Variants in SDK2 observed in about 807,000 individuals in gnomAD.
The protein encoded by SDK2 is protein sidekick-2.
In SDK2, 105 loss-of-function variants were observed where a neutral mutation model predicts 253.9. The observed-to-expected ratio is 0.41, with a 90% CI of 0.35 to 0.49. The LOEUF is 0.49. SDK2 is among the 20% of genes least tolerant of loss of function. The pLI, the probability that SDK2 is intolerant of heterozygous loss-of-function variation, is 0.06. For synonymous variants in SDK2, 1,249 were observed against 1,234.9 expected (o/e 1.01, Z -0.24); for missense variants, 2,608 against 3,003.0 (o/e 0.87, Z 3.07).
chr17:73,638,310 C>T (rs115600810), intron 1 of SDK2, among the ~76,000 whole-genome samples: 1,600 of 152,264 alleles, frequency 0.011, 30 homozygotes, highest in African/African-American at 0.037. Flanking sequence ...GTGAATGAAA[C>T]AAAGCCCCTG....
At position 73,379,526 on chromosome 17, in the gene SDK2, C is replaced by T. The variant is rs762971606; in HGVS notation, c.4786G>A (p.Glu1596Lys). The T allele has an allele frequency of 5.6e-6, 9 of 1,612,286 alleles. No homozygotes were observed. The highest frequency in any genetic ancestry group is 4.4e-5 in the South Asian group (4 of 90,828). ...LDNLNKHRRY[E>K]IRMSVYNAVG... Reference sequence around the variant, plus strand: ...GCGTTGTACACGCTCATCCGTATCTCGTACCGCCTGTGCTTGTTCAGGTCT... The same window carrying T: ...GCGTTGTACACGCTCATCCGTATCTTGTACCGCCTGTGCTTGTTCAGGTCT... The change falls in exon 35 of 45, where the codon GAG becomes AAG. Residue 1596 changes from glutamate (E) to lysine (K), a missense_variant. Glu to Lys is a moderately conservative substitution (Grantham distance 56, BLOSUM62 1). Transcript: ENST00000392650. The surrounding 1 kb of genome is among the most constrained non-coding windows in gnomAD (Gnocchi z 4.5).
intron 1 of SDK2, among the ~76,000 whole-genome samples, chr17:73,588,748 G>A (rs987322142): frequency 6.6e-6 from 1 of 152,228 alleles, no homozygotes; most frequent in Non-Finnish European, 1.5e-5. Flanking sequence ...TCAGTAGTGC[G>A]GAGACTGGGA....
chr17:73,356,298 C>T (rs1434140384), intron 40 of SDK2, among the ~76,000 whole-genome samples: 8 of 152,188 alleles, frequency 5.3e-5, no homozygotes, highest in Non-Finnish European at 7.3e-5. Context: ...CCTTGTTCCA[C>T]CCCACACAGG....
At chr17:73,385,964 G>T (rs1257148123) in intron 31 of SDK2, 47 bp from the exon 32 acceptor site, 1 of 1,432,904 alleles carries the variant, frequency 7.0e-7, no homozygotes, top group Non-Finnish European at 9.6e-7. Flanking sequence ...GCAGCTTCAA[G>T]TTCCCCAGGA....
At chr17:73,635,126 C>T (rs1462446002) in intron 1 of SDK2, among the ~76,000 whole-genome samples, 1 of 152,076 alleles carries the variant, frequency 6.6e-6, no homozygotes, top group African/African-American at 2.4e-5. Context: ...GCTGGAATTA[C>T]AGGCACGTGC....
intron 27 of SDK2, among the ~76,000 whole-genome samples, chr17:73,392,833 A>G (rs1227679694): frequency 6.6e-6 from 1 of 152,094 alleles, no homozygotes; most frequent in East Asian, 1.9e-4. Flanking sequence ...TGCTACAGGG[A>G]TGAATGCCTG....
At chr17:73,564,120 C>T (rs1026157089) in intron 1 of SDK2, among the ~76,000 whole-genome samples, 6 of 152,180 alleles carry the variant, frequency 3.9e-5, no homozygotes, top group South Asian at 2.1e-4. Context: ...CCTTGCTTTA[C>T]GTTTTTCTGT....
chr17:73,394,174 G>T, intron 26 of SDK2, 35 bp downstream of exon 26: 2 of 1,370,628 alleles, frequency 1.5e-6, no homozygotes, highest in Non-Finnish European at 2.0e-6. Context: ...AGGGGCCAGT[G>T]TAGGGACCCC....
intron 2 of SDK2, among the ~76,000 whole-genome samples, chr17:73,488,829 C>T (rs966372493): frequency 3.9e-5 from 6 of 152,044 alleles, no homozygotes; most frequent in Admixed American, 3.9e-4. Flanking sequence ...GAAGTTTTTG[C>T]GTGTTGCTGC....
intron 1 of SDK2, chr17:73,521,200 T>G (rs1320822982): frequency 6.6e-6 from 1 of 151,744 alleles, no homozygotes; most frequent in Non-Finnish European, 1.5e-5. Flanking sequence ...CCACCATGCT[T>G]GGCTAATATT....
At chr17:73,451,515 C>A (rs2063489753) in intron 4 of SDK2, among the ~76,000 whole-genome samples, 1 of 152,090 alleles carries the variant, frequency 6.6e-6, no homozygotes. Context: ...AAAACAAAAA[C>A]ATAAACAAAA....
chr17:73,636,733 G>A (rs1237297668), intron 1 of SDK2, among the ~76,000 whole-genome samples: 2 of 146,636 alleles, frequency 1.4e-5, no homozygotes, highest in Non-Finnish European at 3.0e-5. Flanking sequence ...AAAAAGGTGA[G>A]AAGATGTGGA....
At chr17:73,353,996 C>T (rs1253428810) in intron 40 of SDK2, among the ~76,000 whole-genome samples, 2 of 152,032 alleles carry the variant, frequency 1.3e-5, no homozygotes, top group African/African-American at 2.4e-5. Context: ...CCACCATGCC[C>T]GGTCTTTTTC....
chr17:73,480,216 G>A (rs2063712626), intron 2 of SDK2, among the ~76,000 whole-genome samples: 1 of 152,174 alleles, frequency 6.6e-6, no homozygotes, highest in South Asian at 2.1e-4. Flanking sequence ...CTAGAATGAT[G>A]GGACAGTCTG....
chr17:73,597,649 CTT>C (rs762635491), intron 1 of SDK2, among the ~76,000 whole-genome samples: 20 of 142,384 alleles, frequency 1.4e-4, no homozygotes, highest in Admixed American at 1.4e-4. Context: ...ATTTTCTTTT[CTT>C]TTTTTTTTTT....
intron 1 of SDK2, among the ~76,000 whole-genome samples, chr17:73,512,906 T>TA (rs886789660): frequency 4.6e-5 from 7 of 151,916 alleles, no homozygotes; most frequent in Non-Finnish European, 8.8e-5. Flanking sequence ...CATTTGGGGA[T>TA]AAAAAAATAA....
rs377660337 is a variant in SDK2, at chr17:73,497,756, T to G, written c.224+9682A>C. Among the ~76,000 whole-genome samples, 9 of 152,122 alleles carry G rather than the reference T, an allele frequency of 5.9e-5. No homozygotes were observed. The South Asian group carries it at 1.7e-3, about 28-fold the overall frequency. ...TCTCACCCAGCTTCCTGAGCAAAGA[T>G]TTGAAACATGAGCATCTGATCATGT... On this transcript the variant is annotated intron_variant, in intron 2 of 44. Transcript: ENST00000392650.
chr17:73,624,714 G>A (rs2046179396), intron 1 of SDK2, among the ~76,000 whole-genome samples: 1 of 152,142 alleles, frequency 6.6e-6, no homozygotes, highest in African/African-American at 2.4e-5. Flanking sequence ...GAGGCTGCCG[G>A]CATAAGCACC....
chr17:73,395,628 T>C lies in SDK2; in HGVS notation c.3355-236A>G, dbSNP rs967771317. Among the ~76,000 whole-genome samples, 5 of 152,220 alleles carry C rather than the reference T, an allele frequency of 3.3e-5. No individual in the cohort carries two copies. On this transcript the variant is annotated intron_variant, in intron 24 of 44. Coordinates refer to ENST00000392650, the MANE Select transcript of SDK2 (RefSeq NM_001144952.2). The surrounding 1 kb of genome is among the most constrained non-coding windows in gnomAD (Gnocchi z 4.3). ...ACAGAGAAGCAGCATCCTTTCTTTA[T>C]TGTGTATGTGACAAATCTATTACCC... is the stretch of plus-strand genomic sequence containing the variant.
Sources: gnomAD v4.1 joint callset for allele counts (sites outside exome capture counted in the v4.1 genomes callset) on GRCh38, gnomAD v4.1.1 for gene constraint, Gnocchi (gnomAD v3.1) non-coding constraint, MANE v1.5 for transcripts, NCBI Gene and HGNC (gene_info 2026-07-23, HGNC 2026-07-21) for gene names.